The following PRIM2 variants were observed in gnomAD, a reference collection of about 807,000 sequenced individuals.
PRIM2 encodes DNA primase large subunit.
In PRIM2, 39 loss-of-function variants were observed where a neutral mutation model predicts 67.3. That is an observed-to-expected ratio of 0.58 (90% CI 0.45 to 0.76). The LOEUF (loss-of-function observed/expected upper bound fraction) is 0.76, where lower values mean the gene tolerates loss of function less well. Ranked by LOEUF, PRIM2 falls within the 30% of genes least tolerant of loss-of-function variation. PRIM2 has a pLI of 0.00. For synonymous variants in PRIM2, 143 were observed against 198.7 expected, an observed-to-expected ratio of 0.72 and a Z score of 2.36; for missense variants, 398 against 598.7, an observed-to-expected ratio of 0.66 and a Z score of 3.50.
intron 7 of PRIM2, among the ~76,000 whole-genome samples, chr6:57,400,402 T>C (rs530687144): frequency 2.6e-5 from 4 of 152,346 alleles, no homozygotes; most frequent in African/African-American, 9.6e-5. Context: ...TGAAGGTTTC[T>C]TTAATAAATA....
Position 57,405,175 on chromosome 6 carries a change from C to T in PRIM2, c.693+23007C>T, listed in dbSNP as rs1247602757. Among the ~76,000 whole-genome samples, 21 of 152,332 alleles carry T rather than the reference C, an allele frequency of 1.4e-4. 1 individual carries two copies. On this transcript the variant is annotated intron_variant, in intron 7 of 13. Coordinates refer to ENST00000615550, the MANE Select transcript of PRIM2 (RefSeq NM_000947.5). The stretch of plus-strand genomic sequence containing the variant: ...TTTTTTTTTTTGGTGGGGAGGGGTA[C>T]TTGTAAATTCAGTTCTTTGACACGT...
chr6:57,257,269 CA>C, the PRIM2 span, among the ~76,000 whole-genome samples: 3 of 132,130 alleles, frequency 2.3e-5, no homozygotes, highest in African/African-American at 9.6e-5. Flanking sequence ...TATCTGTAGG[CA>C]TTTTTTTTTT....
rs1772585200 is a variant in PRIM2 at position 57,452,361 on chromosome 6, T to C, written c.694-55026T>C. 2.6e-5 allele frequency among the ~76,000 whole-genome samples: 4 copies of C among 152,224 alleles called. 1 individual carries two copies. The South Asian group carries it at 8.3e-4, about 32-fold the overall frequency. On this transcript the variant is annotated intron_variant, in intron 7 of 13. Transcript: ENST00000615550. ...CTAGATCCCTGAGGAATCACCACACTGACTTCCACAATGGTTGAACTAGTT... is the reference window on the plus strand; with the variant it reads ...CTAGATCCCTGAGGAATCACCACACCGACTTCCACAATGGTTGAACTAGTT...
At chr6:57,264,582 A>G in the PRIM2 span, among the ~76,000 whole-genome samples, 1 of 151,080 alleles carries the variant, frequency 6.6e-6, no homozygotes, top group Non-Finnish European at 1.5e-5. Flanking sequence ...TTAAACTTGT[A>G]AAAGTCAAAC....
the PRIM2 span, among the ~76,000 whole-genome samples, chr6:57,296,638 G>A: frequency 6.6e-6 from 1 of 151,872 alleles, no homozygotes. Flanking sequence ...TGGTAGGGGA[G>A]CAGTAGTGGT....
At chr6:57,475,824 T>C (rs1450876542) in intron 7 of PRIM2, among the ~76,000 whole-genome samples, 1 of 152,204 alleles carries the variant, frequency 6.6e-6, no homozygotes, top group Non-Finnish European at 1.5e-5. Flanking sequence ...TTATGATATA[T>C]ACAAACGTAA....
chr6:57,507,525 T>C (rs1774274930), intron 8 of PRIM2, 71 bp downstream of exon 8: 1 of 1,428,802 alleles, frequency 7.0e-7, no homozygotes. Context: ...TATATTAAAG[T>C]GGTGAAACCC....
chr6:57,500,562 C>T (rs1318187674), intron 7 of PRIM2, among the ~76,000 whole-genome samples: 1 of 152,118 alleles, frequency 6.6e-6, no homozygotes, highest in African/African-American at 2.4e-5. Flanking sequence ...CATAGGATTG[C>T]TTATATAGAC....
chr6:57,466,693 G>A (rs1773203626), intron 7 of PRIM2, among the ~76,000 whole-genome samples: 1 of 152,192 alleles, frequency 6.6e-6, no homozygotes, highest in Admixed American at 6.5e-5. Flanking sequence ...ATTTGTTTAA[G>A]TTCTTTGTAG....
At chr6:57,251,108 C>T in the PRIM2 span, among the ~76,000 whole-genome samples, 1 of 152,096 alleles carries the variant, frequency 6.6e-6, no homozygotes, top group Non-Finnish European at 1.5e-5. Flanking sequence ...CTTTCCTACC[C>T]CCAAACTCAG....
the PRIM2 span, among the ~76,000 whole-genome samples, chr6:57,267,403 C>T: frequency 2.6e-5 from 4 of 152,124 alleles, no homozygotes; most frequent in African/African-American, 7.2e-5. Context: ...CATTGAGAAG[C>T]GGGTTACTGT....
intron 7 of PRIM2, among the ~76,000 whole-genome samples, chr6:57,462,399 T>C (rs1190703236): frequency 1.3e-5 from 2 of 152,220 alleles, no homozygotes; most frequent in Non-Finnish European, 2.9e-5. Flanking sequence ...TGAATTAATG[T>C]TGTAATTGTG....
upstream of PRIM2, among the ~76,000 whole-genome samples, chr6:57,312,239 G>A (rs1189556465): frequency 6.6e-6 from 1 of 152,086 alleles, no homozygotes; most frequent in South Asian, 2.1e-4. Flanking sequence ...GGTGGCTTAT[G>A]CCTGTAATCT....
At chr6:57,426,222 T>C (rs1240310073) in intron 7 of PRIM2, among the ~76,000 whole-genome samples, 2 of 152,200 alleles carry the variant, frequency 1.3e-5, no homozygotes, top group Non-Finnish European at 2.9e-5. Flanking sequence ...AATATAACCT[T>C]GTGCTTTTTG....
chr6:57,423,360 CAT>C (rs1338950598), intron 7 of PRIM2, among the ~76,000 whole-genome samples: 2 of 151,984 alleles, frequency 1.3e-5, no homozygotes, highest in African/African-American at 2.4e-5. Context: ...TGGTTGACAA[CAT>C]ATAAAATTAA....
intron 10 of PRIM2, among the ~76,000 whole-genome samples, chr6:57,538,624 G>T (rs1385682038): frequency 2.6e-5 from 4 of 152,154 alleles, no homozygotes; most frequent in African/African-American, 7.2e-5. Flanking sequence ...ATGTTAGTTT[G>T]CAAGCATTGC....
chr6:57,580,488 C>G (rs1326957199), intron 10 of PRIM2, among the ~76,000 whole-genome samples: 1 of 152,126 alleles, frequency 6.6e-6, no homozygotes, highest in Admixed American at 6.5e-5. Flanking sequence ...ACAGGAAAAA[C>G]TTTTTATGCT....
At chr6:57,612,334 A>G (rs1330291455) in intron 12 of PRIM2, among the ~76,000 whole-genome samples, 1 of 152,226 alleles carries the variant, frequency 6.6e-6, no homozygotes, top group Non-Finnish European at 1.5e-5. Context: ...ACTAGAAACA[A>G]CCCAGATGTT....
intron 12 of PRIM2, among the ~76,000 whole-genome samples, chr6:57,625,367 T>C (rs1211807198): frequency 2.6e-5 from 4 of 152,178 alleles, no homozygotes; most frequent in Non-Finnish European, 5.9e-5. Context: ...GAAACTTAGG[T>C]AATTGTGGAT....
Sources: gnomAD v4.1 joint callset for allele counts (sites outside exome capture counted in the v4.1 genomes callset) on GRCh38, gnomAD v4.1.1 for gene constraint, MANE v1.5 for transcripts, NCBI Gene and HGNC (gene_info 2026-07-23, HGNC 2026-07-21) for gene names.